Variants in ADAMTS16 observed in about 807,000 individuals in gnomAD.
ADAMTS16 encodes the protein ADAM metallopeptidase with thrombospondin type 1 motif 16, also known as A disintegrin and metalloproteinase with thrombospondin motifs 16.
Under a neutral mutation model 145.8 loss-of-function variants are expected in ADAMTS16, and 94 were observed. The observed-to-expected ratio is 0.64, with a 90% confidence interval of 0.55 to 0.77. The LOEUF (loss-of-function observed/expected upper bound fraction) is 0.77. Ranked by LOEUF, ADAMTS16 falls within the 30% of genes least tolerant of loss-of-function variation. ADAMTS16 has a pLI of 0.00. For synonymous variants in ADAMTS16, 659 were observed against 604.3 expected (o/e 1.09, Z -1.33); for missense variants, 1,585 against 1,591.5 (o/e 1.00, Z 0.07).
At chr5:5,232,235 T>A in intron 11 of ADAMTS16, 133 bp from the exon 12 acceptor site, 1 of 883,214 alleles carries the variant, frequency 1.1e-6, no homozygotes, top group Non-Finnish European at 1.6e-6. Context: ...TAGGTGCTGC[T>A]TGAGTGTAGG....
chr5:5,240,051 T>A, intron 16 of ADAMTS16, 126 bp downstream of exon 16: 1 of 1,430,872 alleles, frequency 7.0e-7, no homozygotes, highest in Non-Finnish European at 9.4e-7. Flanking sequence ...GATCCATCCA[T>A]AGCCGGAATG....
rs906596606 is a variant in ADAMTS16 at position 5,303,711 on chromosome 5, T to C, written c.3131T>C (p.Leu1044Pro). The change falls in exon 20 of 23, where the codon CTT becomes CCT. Residue 1044 changes from leucine (L) to proline (P), a missense_variant. Around this residue, in one of 3 missense-constraint regions of ADAMTS16, gnomAD observed 834 missense variants for 811.7 expected, o/e 1.03. Transcript: ENST00000274181. ...PKPRMHEACL[L>P]QRCHKPKKLQ... Reference sequence around the variant, plus strand: ...CCCAGGATGCATGAAGCCTGTCTGCTTCAGCGCTGCCACAAGCCCAAGAAG... The same window carrying C: ...CCCAGGATGCATGAAGCCTGTCTGCCTCAGCGCTGCCACAAGCCCAAGAAG... 6.2e-7 allele frequency: 1 copy of C among 1,613,496 alleles called. No homozygotes were observed.
chr5:5,226,850 A>T (rs1736779781), intron 11 of ADAMTS16, among the ~76,000 whole-genome samples: 1 of 152,234 alleles, frequency 6.6e-6, no homozygotes, highest in Non-Finnish European at 1.5e-5. Flanking sequence ...CCCATTGGAC[A>T]TTCCAGAGTT....
chr5:5,310,935 C>A lies in ADAMTS16; in HGVS notation c.3411+4207C>A, dbSNP rs1740401526. Among the ~76,000 whole-genome samples, 1 of 152,154 alleles carries A rather than the reference C, an allele frequency of 6.6e-6. No individual in the cohort carries two copies. The highest frequency in any genetic ancestry group is 1.5e-5 in the Non-Finnish European group (1 of 68,038). The stretch of plus-strand genomic sequence containing the variant: ...CAAGTGCCTTCTTTCACTTTATATG[C>A]TGCAGAGCCCTAGCCCAGAGCCACG... On this transcript the variant is annotated intron_variant, in intron 21 of 22. Coordinates refer to ENST00000274181, the MANE Select transcript of ADAMTS16 (RefSeq NM_139056.4). The surrounding 1 kb of genome is among the most constrained non-coding windows in gnomAD (Gnocchi z 4.3).
intron 8 of ADAMTS16, among the ~76,000 whole-genome samples, chr5:5,198,400 C>T (rs1235758820): frequency 6.6e-6 from 1 of 152,170 alleles, no homozygotes; most frequent in Admixed American, 6.5e-5. Context: ...TGGTACTGAT[C>T]AAGAATTTTG....
chr5:5,303,741 A>T lies in ADAMTS16; in HGVS notation c.3161A>T (p.Gln1054Leu), dbSNP rs1446721513. ...LQRCHKPKKL[Q>L]WLVSAWSQCS... ...CGCTGCCACAAGCCCAAGAAGCTGC[A>T]GTGGCTGGTGTCCGCCTGGTCCCAG... Residue 1054 changes from glutamine (Q) to leucine (L), a missense_variant, in exon 20 of 23, where the codon CAG (glutamine) becomes CTG (leucine). Gln to Leu is a moderately radical substitution (Grantham distance 113, BLOSUM62 -2). Around this residue, in one of 3 missense-constraint regions of ADAMTS16, gnomAD observed 834 missense variants for 811.7 expected, o/e 1.03. Transcript: ENST00000274181. 6.2e-6 allele frequency: 10 copies of T among 1,613,250 alleles called. No homozygotes were observed. Among genetic ancestry groups the T allele is most frequent in the Non-Finnish European group, 8.5e-6 (10 of 1,180,012 alleles).
intron 9 of ADAMTS16, among the ~76,000 whole-genome samples, chr5:5,206,697 G>A (rs1443538627): frequency 6.6e-6 from 1 of 151,886 alleles, no homozygotes; most frequent in Non-Finnish European, 1.5e-5. Context: ...AGCCAGGCTG[G>A]TCTCGAACTC....
At chr5:5,224,993 T>G (rs1170176633) in intron 11 of ADAMTS16, among the ~76,000 whole-genome samples, 2 of 152,098 alleles carry the variant, frequency 1.3e-5, no homozygotes, top group African/African-American at 2.4e-5. Context: ...TATTTTCCCT[T>G]GTATTTCAAA....
rs534547170 is a variant in ADAMTS16 at position 5,317,095 on chromosome 5, T to C, written c.3412-1039T>C. Among the ~76,000 whole-genome samples, 27 of 152,198 alleles carry C rather than the reference T, an allele frequency of 1.8e-4. No homozygotes were observed. The highest frequency in any genetic ancestry group is 1.5e-5 in the Non-Finnish European group (1 of 68,008). ...TTTCAAATGCAGAGGCAAGAGGAAA[T>C]GAGGGGTTACCCCAACCAGCAGTGA... On this transcript the variant is annotated intron_variant, in intron 21 of 22. Coordinates refer to ENST00000274181, the MANE Select transcript of ADAMTS16 (RefSeq NM_139056.4). The surrounding 1 kb of genome is among the most constrained non-coding windows in gnomAD (Gnocchi z 4.5).
At chr5:5,208,595 C>A (rs1736191188) in intron 9 of ADAMTS16, among the ~76,000 whole-genome samples, 1 of 152,106 alleles carries the variant, frequency 6.6e-6, no homozygotes, top group Admixed American at 6.6e-5. Flanking sequence ...ATCCAGTGAT[C>A]CAGGAAGAAC....
chr5:5,205,090 C>A (rs1053657846), intron 9 of ADAMTS16, among the ~76,000 whole-genome samples: 69 of 144,222 alleles, frequency 4.8e-4, no homozygotes, highest in Non-Finnish European at 6.9e-4. Context: ...AAAAATAGAC[C>A]CTGTTTTTTT....
intron 18 of ADAMTS16, among the ~76,000 whole-genome samples, chr5:5,297,780 C>T (rs1265917410): frequency 2.0e-5 from 3 of 152,158 alleles, no homozygotes; most frequent in African/African-American, 7.2e-5. Context: ...TTGATGTCCT[C>T]GGTTTGGCTA....
At chr5:5,160,144 A>C (rs1185836215) in intron 3 of ADAMTS16, among the ~76,000 whole-genome samples, 1 of 152,246 alleles carries the variant, frequency 6.6e-6, no homozygotes, top group Non-Finnish European at 1.5e-5. Context: ...ATGTTTAAGA[A>C]TAAAGGGCTG....
chr5:5,316,260 G>A (rs1734052736), intron 21 of ADAMTS16, among the ~76,000 whole-genome samples: 1 of 152,170 alleles, frequency 6.6e-6, no homozygotes, highest in Admixed American at 6.5e-5. Context: ...AGTCATGCAT[G>A]TCCCCAGTTT....
Position 5,190,073 on chromosome 5 carries a change from A to G in ADAMTS16, c.1150A>G (p.Ile384Val), listed in dbSNP as rs1185344673. The G allele has an allele frequency of 6.2e-7, 1 of 1,612,856 alleles. No individual in the cohort carries two copies. Among genetic ancestry groups the G allele is most frequent in the Non-Finnish European group, 8.5e-7 (1 of 1,179,558 alleles). The change falls in exon 7 of 23, where the codon ATC becomes GTC. Residue 384 changes from isoleucine to valine, a missense_variant. By Grantham distance (29) the Ile-to-Val change is conservative. This residue lies in a region of ADAMTS16 where 298 missense variants were observed against 367.6 expected (regional missense o/e 0.81). Transcript: ENST00000274181. The stretch of plus-strand genomic sequence containing the variant: ...AGATGGGACTCGTCATGACCACGCC[A>G]TCTTACTGACTGGTCTGGATATATG... Reference protein sequence around the residue: ...GKDGTRHDHAILLTGLDICSW... With the variant: ...GKDGTRHDHAVLLTGLDICSW...
intron 3 of ADAMTS16, among the ~76,000 whole-genome samples, chr5:5,159,024 C>G (rs1462342445): frequency 6.6e-6 from 1 of 152,242 alleles, no homozygotes; most frequent in Non-Finnish European, 1.5e-5. Context: ...CTCGTAAAAT[C>G]AGAAACATGC....
chr5:5,279,147 G>C (rs1190011498), intron 18 of ADAMTS16, among the ~76,000 whole-genome samples: 1 of 152,138 alleles, frequency 6.6e-6, no homozygotes, highest in East Asian at 1.9e-4. Flanking sequence ...GCCCAGGCCT[G>C]TCACCCTGCT....
At position 5,307,028 on chromosome 5, in the gene ADAMTS16, G is replaced by C. The variant is rs112995414; in HGVS notation, c.3411+300G>C. On this transcript the variant is annotated intron_variant, in intron 21 of 22. Coordinates refer to ENST00000274181, the MANE Select transcript of ADAMTS16 (RefSeq NM_139056.4). The stretch of plus-strand genomic sequence containing the variant: ...GGTAAAATCTGGGCTGAATTCCCCA[G>C]AGATGAGTGTGAACAGGAAAGGAAT... Among the ~76,000 whole-genome samples, 764 of 152,282 alleles carry C rather than the reference G, an allele frequency of 5.0e-3. 10 individuals are homozygous for C. Among genetic ancestry groups the C allele is most frequent in the African/African-American group, 0.018 (737 of 41,540 alleles).
At chr5:5,167,700 T>C (rs1292064208) in intron 3 of ADAMTS16, among the ~76,000 whole-genome samples, 1 of 152,228 alleles carries the variant, frequency 6.6e-6, no homozygotes, top group Non-Finnish European at 1.5e-5. Context: ...TAGCCTTAAG[T>C]AAGCTTTCAA....
Sources: gnomAD v4.1 joint callset for allele counts (sites outside exome capture counted in the v4.1 genomes callset) on GRCh38, gnomAD v4.1.1 for gene constraint, gnomAD v4.1.1 regional missense constraint, Gnocchi (gnomAD v3.1) non-coding constraint, MANE v1.5 for transcripts, NCBI Gene and HGNC (gene_info 2026-07-23, HGNC 2026-07-21) for gene names.